C1orf21: variants seen among roughly 807,000 people sequenced by gnomAD.
The protein encoded by C1orf21 is chromosome 1 open reading frame 21, also known as uncharacterized protein C1orf21.
A neutral mutation model predicts 18.7 loss-of-function variants in C1orf21; 3 were observed. The ratio of observed to expected loss-of-function variants is 0.16; its 90% CI spans 0.07 to 0.42. The LOEUF is 0.42. Among genes scored for constraint, C1orf21 ranks in the 10% least tolerant of loss-of-function variants. The pLI is 0.99. For synonymous variants in C1orf21, 41 were observed against 46.4 expected, an observed-to-expected ratio of 0.88 and a Z score of 0.47; for missense variants, 104 against 143.6, an observed-to-expected ratio of 0.72 and a Z score of 1.41.
chr1:184,411,704 G>A (rs1656357602), intron 1 of C1orf21, among the ~76,000 whole-genome samples: 1 of 152,176 alleles, frequency 6.6e-6, no homozygotes, highest in Admixed American at 6.5e-5. Flanking sequence ...TTGCAGGCGT[G>A]AGCCACCGCG....
At chr1:184,511,846 A>G (rs1658153753) in intron 3 of C1orf21, among the ~76,000 whole-genome samples, 1 of 152,154 alleles carries the variant, frequency 6.6e-6, no homozygotes, top group African/African-American at 2.4e-5. Flanking sequence ...AGAGCCCCTT[A>G]TAAAACCATC....
chr1:184,510,420 G>C (rs1211103926), intron 3 of C1orf21, among the ~76,000 whole-genome samples: 3 of 152,140 alleles, frequency 2.0e-5, no homozygotes, highest in Non-Finnish European at 4.4e-5. Flanking sequence ...GTAAAACAAG[G>C]TGAGATTGAA....
At chr1:184,468,655 A>G (rs1056958196) in intron 1 of C1orf21, among the ~76,000 whole-genome samples, 1 of 152,218 alleles carries the variant, frequency 6.6e-6, no homozygotes, top group African/African-American at 2.4e-5. Flanking sequence ...AGAGTGGCTC[A>G]TGCCTGTAAT....
intron 3 of C1orf21, among the ~76,000 whole-genome samples, chr1:184,535,152 A>T (rs1489420476): frequency 6.6e-6 from 1 of 152,222 alleles, no homozygotes; most frequent in Non-Finnish European, 1.5e-5. Context: ...GGGAACTACG[A>T]TCTGTTGTAG....
chr1:184,545,136 T>C (rs1441292621), intron 3 of C1orf21, among the ~76,000 whole-genome samples: 1 of 152,138 alleles, frequency 6.6e-6, no homozygotes, highest in African/African-American at 2.4e-5. Context: ...TCTTAGAAGC[T>C]GGGGTCCTTG....
chr1:184,563,082 A>T (rs374033308), intron 3 of C1orf21, among the ~76,000 whole-genome samples: 9 of 152,216 alleles, frequency 5.9e-5, no homozygotes, highest in Admixed American at 5.9e-4. Flanking sequence ...GTGGAGCAAG[A>T]GAGTTAGAGC....
intron 3 of C1orf21, among the ~76,000 whole-genome samples, chr1:184,558,965 G>T (rs1326319688): frequency 6.6e-6 from 1 of 152,186 alleles, no homozygotes; most frequent in East Asian, 1.9e-4. Flanking sequence ...TATGAGTCCA[G>T]AATTTGCCAA....
At chr1:184,460,617 GTCGTCTTCTTCT>G (rs1471495449) in intron 1 of C1orf21, among the ~76,000 whole-genome samples, 1,964 of 116,150 alleles carry the variant, frequency 0.017, 19 homozygotes, top group African/African-American at 0.027. Context: ...TATTGTCGTC[GTCGTCTTCTTCT>G]TCTTCTTCTT....
At chr1:184,561,915 G>GCCAAAGT (rs1331342656) in intron 3 of C1orf21, among the ~76,000 whole-genome samples, 5 of 152,106 alleles carry the variant, frequency 3.3e-5, no homozygotes, top group Non-Finnish European at 7.4e-5. Context: ...TTAAAAACAT[G>GCCAAAGT]TTCCTTTGGG....
intron 5 of C1orf21, among the ~76,000 whole-genome samples, chr1:184,599,101 G>A (rs1468951693): frequency 6.6e-6 from 1 of 152,146 alleles, no homozygotes; most frequent in Non-Finnish European, 1.5e-5. Flanking sequence ...AAGTCGATCT[G>A]TCATAATTAA....
intron 3 of C1orf21, among the ~76,000 whole-genome samples, chr1:184,538,799 A>G (rs192846203): frequency 2.0e-5 from 3 of 152,134 alleles, no homozygotes; most frequent in Non-Finnish European, 2.9e-5. Context: ...TCTCCATTCT[A>G]TTTCATTTTA....
chr1:184,527,479 C>G (rs1658394595), intron 3 of C1orf21, among the ~76,000 whole-genome samples: 1 of 151,952 alleles, frequency 6.6e-6, no homozygotes, highest in African/African-American at 2.4e-5. Context: ...GAAAGTGGAG[C>G]CTTAAGGGCT....
At chr1:184,595,021 G>A (rs1000739456) in intron 4 of C1orf21, among the ~76,000 whole-genome samples, 1 of 152,204 alleles carries the variant, frequency 6.6e-6, no homozygotes, top group Non-Finnish European at 1.5e-5. Context: ...AGAAGTCTCA[G>A]GAAGAAGAGT....
intron 3 of C1orf21, among the ~76,000 whole-genome samples, chr1:184,534,175 C>G (rs1009444159): frequency 1.3e-5 from 2 of 152,200 alleles, no homozygotes; most frequent in East Asian, 3.9e-4. Flanking sequence ...TTTACAGTCA[C>G]TAGCTCATTG....
chr1:184,410,658 TA>T (rs1384856294), intron 1 of C1orf21, among the ~76,000 whole-genome samples: 113 of 7,730 alleles, frequency 0.015, 3 homozygotes, highest in Non-Finnish European at 0.019. Flanking sequence ...TATATATATA[TA>T]TATATTTTTT....
At chr1:184,532,902 C>A (rs1289476209) in intron 3 of C1orf21, among the ~76,000 whole-genome samples, 1 of 152,140 alleles carries the variant, frequency 6.6e-6, no homozygotes, top group Non-Finnish European at 1.5e-5. Flanking sequence ...TGAGGTTTGG[C>A]GTCTTCATCC....
chr1:184,563,760 T>C (rs1658996838), intron 3 of C1orf21, among the ~76,000 whole-genome samples: 1 of 152,262 alleles, frequency 6.6e-6, no homozygotes. Context: ...AGGAGATTTC[T>C]GTTTTCTTTT....
At position 184,620,007 on chromosome 1, in the gene C1orf21, A is replaced by G. The variant is rs529750530; in HGVS notation, c.*451A>G. 60 of 159,318 alleles carry G rather than the reference A, an allele frequency of 3.8e-4. No individual in the cohort carries two copies. The highest frequency in any genetic ancestry group is 3.1e-3 in the Middle Eastern group (1 of 320). 9.9% of individuals were successfully genotyped at this position (159,318 alleles called of 1,614,324 possible). On this transcript the variant is annotated 3_prime_UTR_variant, in exon 6 of 6. Transcript: ENST00000235307. The stretch of plus-strand genomic sequence containing the variant: ...TCCTTCCTCCCCATCTCTCGCACGC[A>G]GTCTAGAGATGGACTGAGCCTTGCT...
At chr1:184,491,687 AC>A (rs1442367981) in intron 2 of C1orf21, among the ~76,000 whole-genome samples, 1 of 152,148 alleles carries the variant, frequency 6.6e-6, no homozygotes, top group East Asian at 1.9e-4. Flanking sequence ...CGTTATGGTT[AC>A]TTATAGCAAA....
Sources: allele counts gnomAD v4.1 joint callset (sites outside exome capture counted in the v4.1 genomes callset), GRCh38; gene constraint gnomAD v4.1.1; transcripts MANE v1.5; gene names NCBI Gene and HGNC (gene_info 2026-07-23, HGNC 2026-07-21).